PCF11: variants seen among roughly 807,000 people sequenced by gnomAD.
PCF11 encodes PCF11 cleavage and polyadenylation factor subunit.
In PCF11, 19 loss-of-function variants were observed where a neutral mutation model predicts 166.1. That is an observed-to-expected ratio of 0.11 (90% CI 0.08 to 0.17). The LOEUF (loss-of-function observed/expected upper bound fraction) is 0.17, where lower values mean the gene tolerates loss of function less well. PCF11 is among the 10% of genes least tolerant of loss of function. The probability of loss-of-function intolerance (pLI) is 1.00; values close to 1 mark genes in which losing one functional copy is unlikely to be tolerated. For synonymous variants in PCF11, 663 were observed against 644.1 expected, an observed-to-expected ratio of 1.03 and a Z score of -0.44; for missense variants, 1,565 against 1,855.5, an observed-to-expected ratio of 0.84 and a Z score of 2.88.
exon 8 of PCF11, chr11:83,168,993 G>C: frequency 6.2e-7 from 1 of 1,613,650 alleles, no homozygotes; most frequent in Non-Finnish European, 8.5e-7. Context: ...GTCAACCTGT[G>C]GGTGGTCTAA....
chr11:83,177,648 T>G, intron 10 of PCF11, 66 bp from the exon 11 acceptor site: 1 of 742,022 alleles, frequency 1.3e-6, no homozygotes, highest in South Asian at 2.1e-5. Context: ...AATACTATAG[T>G]GTTCCTCTGT....
At chr11:83,183,126 CT>C in intron 15 of PCF11, 53 bp downstream of exon 15, 2 of 1,079,196 alleles carry the variant, frequency 1.9e-6, no homozygotes, top group South Asian at 1.5e-5. Flanking sequence ...ATAAATTTTA[CT>C]TTTCAGTTTT....
At chr11:83,166,488 A>T in exon 5 of PCF11, 1 of 1,613,988 alleles carries the variant, frequency 6.2e-7, no homozygotes, top group Non-Finnish European at 8.5e-7. Context: ...GCAGTCACAT[A>T]TGGAAGAGTT....
chr11:83,183,027 T>C lies in PCF11; in HGVS notation c.4417-11T>C. Reference sequence around the variant, plus strand: ...ATACGCACATATTTACTTTTTTTCTTTTTGCTTCAGATTTATCATCCATCA... The same window carrying C: ...ATACGCACATATTTACTTTTTTTCTCTTTGCTTCAGATTTATCATCCATCA... On this transcript the variant is annotated splice_polypyrimidine_tract_variant and intron_variant, in intron 14 of 15. Coordinates refer to ENST00000298281, the Ensembl canonical transcript of PCF11. The C allele has an allele frequency of 7.1e-7, 1 of 1,402,054 alleles. No homozygotes were observed. 86.9% of individuals were successfully genotyped at this position (1,402,054 alleles called of 1,614,324 possible).
At position 83,167,654 on chromosome 11, in the gene PCF11, A is replaced by G. The variant is rs1565154626; in HGVS notation, c.2092+149A>G. ...CACAGGTTCAGCATTCATTTCCAAG[A>G]CTTGATCTCTTAGATCCTGATATTT... On this transcript the variant is annotated intron_variant, in intron 7 of 15. Transcript: ENST00000298281. This position sits in a 1 kb window ranked among gnomAD's most constrained non-coding sequence, Gnocchi z 4.2. The G allele has an allele frequency of 6.5e-7, 1 of 1,529,718 alleles. No homozygotes were observed. The highest frequency in any genetic ancestry group is 1.2e-5 in the South Asian group (1 of 83,154). 94.8% of individuals were successfully genotyped at this position (1,529,718 alleles called of 1,614,324 possible).
chr11:83,157,464 G>C, exon 1 of PCF11: 1 of 1,611,942 alleles, frequency 6.2e-7, no homozygotes, highest in Non-Finnish European at 8.5e-7. Context: ...GCCGGCCGAG[G>C]CCGGTGCTGC....
At chr11:83,169,005 G>A in exon 8 of PCF11, 1 of 1,613,642 alleles carries the variant, frequency 6.2e-7, no homozygotes, top group Non-Finnish European at 8.5e-7. Context: ...GTGGTCTAAG[G>A]TTTGAGGGAC....
exon 16 of PCF11, chr11:83,186,272 G>A (rs1303148714): frequency 6.6e-6 from 1 of 152,190 alleles, no homozygotes; most frequent in Non-Finnish European, 1.5e-5. Flanking sequence ...AACCAGGAGT[G>A]GAGTCCATAC....
At chr11:83,162,514 G>A (rs753826315) in intron 2 of PCF11, among the ~76,000 whole-genome samples, 1 of 152,210 alleles carries the variant, frequency 6.6e-6, no homozygotes, top group Non-Finnish European at 1.5e-5. Flanking sequence ...GCTAACCAGA[G>A]GCTGTAGTCT....
chr11:83,157,526 G>A (rs755251846), exon 1 of PCF11: 12 of 1,613,832 alleles, frequency 7.4e-6, no homozygotes, highest in Non-Finnish European at 1.0e-5. Context: ...TCGAAGACCT[G>A]ACCTTCAATA....
chr11:83,177,667 C>T (rs1446191636), intron 10 of PCF11, 47 bp from the exon 11 acceptor site: 8 of 942,358 alleles, frequency 8.5e-6, no homozygotes, highest in South Asian at 6.3e-5. Context: ...GTAGAGAATA[C>T]ATGGAGAATG....
chr11:83,171,728 C>T, intron 8 of PCF11, 90 bp from the exon 9 acceptor site: 1 of 746,268 alleles, frequency 1.3e-6, no homozygotes, highest in Non-Finnish European at 2.4e-6. Context: ...GGCCTTGTGA[C>T]ATCTATGAAT....
chr11:83,172,797 CA>C (rs1234754296), intron 9 of PCF11, among the ~76,000 whole-genome samples: 3 of 152,152 alleles, frequency 2.0e-5, no homozygotes, highest in Non-Finnish European at 2.9e-5. Context: ...ATCATTGAAA[CA>C]GCTGTTTCAG....
At chr11:83,169,881 T>G in exon 8 of PCF11, 1 of 1,613,248 alleles carries the variant, frequency 6.2e-7, no homozygotes, top group Non-Finnish European at 8.5e-7. Flanking sequence ...CTAATCCACT[T>G]AACAGAGCTT....
At chr11:83,168,506 C>T (rs748481199) in exon 8 of PCF11, 2 of 1,613,956 alleles carry the variant, frequency 1.2e-6, no homozygotes, top group Admixed American at 3.3e-5. Context: ...TCAGATAAAC[C>T]ATTTGTAGAT....
At chr11:83,168,987 A>T in exon 8 of PCF11, 2 of 1,613,632 alleles carry the variant, frequency 1.2e-6, no homozygotes, top group Non-Finnish European at 1.7e-6. Flanking sequence ...ATCGTGGTCA[A>T]CCTGTGGGTG....
Position 83,167,996 on chromosome 11 carries a change from T to G in PCF11, c.2093-432T>G. On this transcript the variant is annotated intron_variant, in intron 7 of 15. Transcript: ENST00000298281. This position sits in a 1 kb window ranked among gnomAD's most constrained non-coding sequence, Gnocchi z 4.2. ...GGATGGATTTTTGTGACTGTTCAGA[T>G]TACCATTTTTTTTCCCATTTATTTT... 1 of 930,440 alleles carries G rather than the reference T, an allele frequency of 1.1e-6. No homozygotes were observed. Among genetic ancestry groups the G allele is most frequent in the Middle Eastern group, 4.3e-4 (1 of 2,314 alleles). 57.6% of individuals were successfully genotyped at this position (930,440 alleles called of 1,614,324 possible).
intron 2 of PCF11, 74 bp downstream of exon 2, chr11:83,161,526 T>A: frequency 8.2e-7 from 1 of 1,215,888 alleles, no homozygotes. Flanking sequence ...ATTTGCTTTG[T>A]GTTGGGTTTT....
Position 83,164,199 on chromosome 11 carries a change from T to C in PCF11, c.508-8T>C. 1 of 1,584,146 alleles carries C rather than the reference T, an allele frequency of 6.3e-7. No homozygotes were observed. Among genetic ancestry groups the C allele is most frequent in the East Asian group, 2.3e-5 (1 of 44,366 alleles). ...CGTTTTTCTTAAACAAATTGTCTTT[T>C]CTTATAGCCCGAGGAGCCTTCAACA... is the stretch of plus-strand genomic sequence containing the variant. On this transcript the variant is annotated splice_region_variant and splice_polypyrimidine_tract_variant and intron_variant, in intron 3 of 15. Transcript: ENST00000298281.
Sources: allele counts gnomAD v4.1 joint callset (sites outside exome capture counted in the v4.1 genomes callset), GRCh38; gene constraint gnomAD v4.1.1; non-coding constraint Gnocchi (gnomAD v3.1); transcripts MANE v1.5; gene names NCBI Gene and HGNC (gene_info 2026-07-23, HGNC 2026-07-21).